Variants in DGKB observed in about 807,000 individuals in gnomAD.
DGKB encodes 90 kDa diacylglycerol kinase.
DGKB carries 67 observed loss-of-function variants against 114.3 expected under a neutral mutation model. The observed-to-expected ratio is 0.59, with a 90% confidence interval of 0.48 to 0.72. The LOEUF is 0.72. Among genes scored for constraint, DGKB ranks in the 30% least tolerant of loss-of-function variants. The pLI is 0.00. For missense variants in DGKB, 907 were observed against 975.2 expected (o/e 0.93, Z 0.93); for synonymous variants, 398 against 323.1 (o/e 1.23, Z -2.49).
At chr7:14,425,407 A>G (rs183065682) in intron 21 of DGKB, among the ~76,000 whole-genome samples, 158 of 152,266 alleles carry the variant, frequency 1.0e-3, no homozygotes, top group African/African-American at 3.6e-3. Flanking sequence ...TATAGAAATC[A>G]GCCTGTACAT....
chr7:14,479,375 G>A (rs929357468), intron 20 of DGKB, among the ~76,000 whole-genome samples: 3 of 152,058 alleles, frequency 2.0e-5, no homozygotes, highest in Admixed American at 6.5e-5. Flanking sequence ...AGAGTTGCAG[G>A]ATACAGCTAA....
chr7:14,860,989 T>C (rs1292081191), intron 1 of DGKB, among the ~76,000 whole-genome samples: 1 of 151,948 alleles, frequency 6.6e-6, no homozygotes, highest in Non-Finnish European at 1.5e-5. Context: ...CCCTGGCAAT[T>C]AGTTGCTATT....
intron 12 of DGKB, among the ~76,000 whole-genome samples, chr7:14,679,735 A>C (rs978255418): frequency 2.0e-5 from 3 of 152,040 alleles, no homozygotes; most frequent in Admixed American, 6.6e-5. Flanking sequence ...CAGTTGTTTA[A>C]AGGCAAGCAG....
At chr7:14,645,525 G>T (rs868782235) in intron 13 of DGKB, among the ~76,000 whole-genome samples, 1 of 151,762 alleles carries the variant, frequency 6.6e-6, no homozygotes, top group Non-Finnish European at 1.5e-5. Context: ...CTGTGGAAGC[G>T]AAAAAGCCAC....
At chr7:14,437,362 A>G (rs1014212942) in intron 21 of DGKB, among the ~76,000 whole-genome samples, 2 of 152,102 alleles carry the variant, frequency 1.3e-5, no homozygotes, top group Non-Finnish European at 2.9e-5. Flanking sequence ...TTCTAAAACT[A>G]TCCGTGCTTT....
At chr7:14,738,054 T>C (rs1303992255) in intron 4 of DGKB, among the ~76,000 whole-genome samples, 1 of 152,188 alleles carries the variant, frequency 6.6e-6, no homozygotes, top group Non-Finnish European at 1.5e-5. Flanking sequence ...CTTAAAAACA[T>C]GGCGATTAGG....
intron 21 of DGKB, among the ~76,000 whole-genome samples, chr7:14,392,770 A>G (rs924255519): frequency 6.6e-6 from 1 of 152,134 alleles, no homozygotes; most frequent in Non-Finnish European, 1.5e-5. Context: ...GCTATAACAA[A>G]CAATTACAAT....
intron 21 of DGKB, among the ~76,000 whole-genome samples, chr7:14,413,851 G>A (rs1344276493): frequency 2.0e-5 from 3 of 151,922 alleles, no homozygotes; most frequent in African/African-American, 7.3e-5. Flanking sequence ...ATAAAGAGGA[G>A]GAACAACAAA....
intron 20 of DGKB, among the ~76,000 whole-genome samples, chr7:14,560,647 C>T (rs1049425862): frequency 6.6e-6 from 1 of 152,176 alleles, no homozygotes; most frequent in African/African-American, 2.4e-5. Context: ...TTGGCTATAG[C>T]AAAGTGTGCT....
At chr7:14,529,636 G>C (rs563206612) in intron 20 of DGKB, among the ~76,000 whole-genome samples, 151 of 151,770 alleles carry the variant, frequency 9.9e-4, no homozygotes, top group African/African-American at 3.4e-3. Flanking sequence ...TGAATAATTT[G>C]ACCACATCTA....
intron 20 of DGKB, among the ~76,000 whole-genome samples, chr7:14,534,839 A>T (rs950397236): frequency 2.6e-5 from 4 of 152,242 alleles, no homozygotes; most frequent in African/African-American, 9.6e-5. Context: ...GATTATTTCA[A>T]GTATGTTTCC....
At chr7:14,849,292 G>A (rs73281914) in intron 1 of DGKB, among the ~76,000 whole-genome samples, 63 of 150,340 alleles carry the variant, frequency 4.2e-4, no homozygotes, top group African/African-American at 1.5e-3. Context: ...GATAGGAGTA[G>A]CTATAATTTG....
chr7:14,509,206 G>T (rs1406425412), intron 20 of DGKB, among the ~76,000 whole-genome samples: 1 of 152,040 alleles, frequency 6.6e-6, no homozygotes, highest in Admixed American at 6.5e-5. Flanking sequence ...AGATATTGAG[G>T]GTTCAGTTCT....
chr7:14,587,044 A>T, intron 17 of DGKB, among the ~76,000 whole-genome samples: 1 of 152,106 alleles, frequency 6.6e-6, no homozygotes, highest in East Asian at 1.9e-4. Flanking sequence ...TACATTTCAT[A>T]TGGCTATAGG....
chr7:14,459,113 G>T (rs1003734854), intron 21 of DGKB, among the ~76,000 whole-genome samples: 2 of 152,134 alleles, frequency 1.3e-5, no homozygotes, highest in African/African-American at 2.4e-5. Flanking sequence ...AGAGCCCACC[G>T]CAGCTTGGCA....
At chr7:14,270,831 T>C (rs574095133) in intron 23 of DGKB, among the ~76,000 whole-genome samples, 35 of 152,072 alleles carry the variant, frequency 2.3e-4, no homozygotes, top group Non-Finnish European at 4.6e-4. Flanking sequence ...AAGCTTTCTG[T>C]AGGGGGGTGG....
intron 23 of DGKB, among the ~76,000 whole-genome samples, chr7:14,222,518 T>C (rs1466025724): frequency 6.6e-6 from 1 of 151,464 alleles, no homozygotes. Flanking sequence ...ATTTTTCATC[T>C]TTGAGCTTTA....
At chr7:14,466,780 T>C (rs1178191827) in intron 21 of DGKB, among the ~76,000 whole-genome samples, 1 of 152,150 alleles carries the variant, frequency 6.6e-6, no homozygotes, top group Non-Finnish European at 1.5e-5. Flanking sequence ...ATCGCGCCAC[T>C]GCACTGCAGC....
intron 14 of DGKB, among the ~76,000 whole-genome samples, chr7:14,622,305 C>G (rs7800794): frequency 0.027 from 4,130 of 152,182 alleles, 175 homozygotes; most frequent in African/African-American, 0.095. Context: ...TCTCTTTTGC[C>G]CATTGCTTCT....
Sources: allele counts gnomAD v4.1 joint callset (sites outside exome capture counted in the v4.1 genomes callset), GRCh38; gene constraint gnomAD v4.1.1; transcripts MANE v1.5; gene names NCBI Gene and HGNC (gene_info 2026-07-23, HGNC 2026-07-21).